Variants in OPCML observed in about 807,000 individuals in gnomAD.
OPCML encodes the protein opioid binding protein/cell adhesion molecule like, also known as opioid-binding protein/cell adhesion molecule.
In OPCML, 13 loss-of-function variants were observed where a neutral mutation model predicts 37.8. The ratio of observed to expected loss-of-function variants is 0.34; its 90% confidence interval spans 0.22 to 0.55. OPCML has a LOEUF of 0.55. Among genes scored for constraint, OPCML ranks in the 20% least tolerant of loss-of-function variants. The pLI is 0.91. For synonymous variants in OPCML, 176 were observed against 168.8 expected, an observed-to-expected ratio of 1.04 and a Z score of -0.33; for missense variants, 341 against 435.6, an observed-to-expected ratio of 0.78 and a Z score of 1.93.
intron 1 of OPCML, among the ~76,000 whole-genome samples, chr11:132,951,534 C>G (rs573381462): frequency 6.6e-6 from 1 of 152,282 alleles, no homozygotes; most frequent in East Asian, 1.9e-4. Flanking sequence ...TTTCAACATA[C>G]GAATTTTGGG....
At chr11:133,054,921 A>T (rs111452428) in intron 1 of OPCML, among the ~76,000 whole-genome samples, 3 of 113,272 alleles carry the variant, frequency 2.6e-5, no homozygotes, top group South Asian at 3.0e-4. Flanking sequence ...CGCCTCTACC[A>T]TATAATGCTG....
intron 4 of OPCML, among the ~76,000 whole-genome samples, chr11:132,457,263 G>T (rs1314587861): frequency 1.3e-5 from 2 of 152,168 alleles, no homozygotes; most frequent in Non-Finnish European, 2.9e-5. Flanking sequence ...TGCATGAGTG[G>T]CCTTGAACAC....
intron 2 of OPCML, among the ~76,000 whole-genome samples, chr11:132,843,564 G>A (rs1160791562): frequency 6.6e-6 from 1 of 151,450 alleles, no homozygotes; most frequent in Non-Finnish European, 1.5e-5. Flanking sequence ...GTATGTGAGT[G>A]CATGTAAAAC....
At chr11:133,140,419 GC>G (rs1388617880) in intron 1 of OPCML, among the ~76,000 whole-genome samples, 1 of 148,092 alleles carries the variant, frequency 6.8e-6, no homozygotes. Context: ...GGAGGCTGAG[GC>G]AGAAGAATCG....
At chr11:133,414,392 G>C (rs991935426) in intron 1 of OPCML, among the ~76,000 whole-genome samples, 4 of 152,260 alleles carry the variant, frequency 2.6e-5, no homozygotes, top group African/African-American at 9.6e-5. Flanking sequence ...GCAGAAGTGT[G>C]TTAGGGGATT....
At chr11:132,918,254 T>G (rs1944672020) in intron 2 of OPCML, among the ~76,000 whole-genome samples, 1 of 152,202 alleles carries the variant, frequency 6.6e-6, no homozygotes, top group Non-Finnish European at 1.5e-5. Context: ...GAAGTGCATA[T>G]AAAGGGCACT....
chr11:133,314,882 G>A (rs1322706026), intron 1 of OPCML, among the ~76,000 whole-genome samples: 3 of 152,180 alleles, frequency 2.0e-5, no homozygotes, highest in South Asian at 2.1e-4. Context: ...GTTTGTTGTC[G>A]TGCTGTAATC....
intron 1 of OPCML, among the ~76,000 whole-genome samples, chr11:133,394,322 T>C (rs777467803): frequency 1.3e-5 from 2 of 152,220 alleles, no homozygotes; most frequent in African/African-American, 2.4e-5. Context: ...TTACATGAGA[T>C]ATTTTGGTAC....
At chr11:132,782,339 T>C (rs1478351108) in intron 2 of OPCML, among the ~76,000 whole-genome samples, 2 of 152,104 alleles carry the variant, frequency 1.3e-5, no homozygotes, top group Non-Finnish European at 2.9e-5. Flanking sequence ...GGCATGGCAC[T>C]GCACACCCAC....
At chr11:133,384,137 C>T (rs1944988592) in intron 1 of OPCML, among the ~76,000 whole-genome samples, 2 of 150,672 alleles carry the variant, frequency 1.3e-5, no homozygotes, top group African/African-American at 4.9e-5. Flanking sequence ...CCCACTCCAG[C>T]TATATGACTG....
intron 1 of OPCML, among the ~76,000 whole-genome samples, chr11:133,228,481 C>G (rs529250249): frequency 1.3e-5 from 2 of 152,374 alleles, no homozygotes; most frequent in East Asian, 1.9e-4. Flanking sequence ...AGAGAGTTTT[C>G]AAACTCATCC....
intron 3 of OPCML, among the ~76,000 whole-genome samples, chr11:132,546,672 G>A (rs2096369413): frequency 6.6e-6 from 1 of 152,158 alleles, no homozygotes; most frequent in Non-Finnish European, 1.5e-5. Flanking sequence ...GTGTGACCTT[G>A]GAGAGTTTCT....
chr11:133,288,366 CTACCTCAG>C (rs1942363337), intron 1 of OPCML, among the ~76,000 whole-genome samples: 1 of 152,214 alleles, frequency 6.6e-6, no homozygotes, highest in East Asian at 1.9e-4. Flanking sequence ...GTCAAGTTGC[CTACCTCAG>C]CATCTAAGCA....
chr11:133,259,667 A>T (rs1941427761), intron 1 of OPCML, among the ~76,000 whole-genome samples: 1 of 152,242 alleles, frequency 6.6e-6, no homozygotes, highest in Admixed American at 6.5e-5. Flanking sequence ...GTAAAAACGA[A>T]ATTATACTTT....
intron 3 of OPCML, among the ~76,000 whole-genome samples, chr11:132,588,175 G>C (rs986719049): frequency 2.0e-5 from 3 of 152,096 alleles, no homozygotes; most frequent in African/African-American, 4.8e-5. Context: ...TCACATCATG[G>C]GGGCATCAGG....
intron 3 of OPCML, among the ~76,000 whole-genome samples, chr11:132,644,732 T>C (rs920350658): frequency 2.6e-5 from 4 of 152,186 alleles, no homozygotes; most frequent in Non-Finnish European, 5.9e-5. Flanking sequence ...CCGACCCTTA[T>C]AAACTGTTAA....
intron 1 of OPCML, among the ~76,000 whole-genome samples, chr11:133,376,547 TA>T (rs1456603503): frequency 1.3e-5 from 2 of 152,226 alleles, no homozygotes; most frequent in African/African-American, 4.8e-5. Context: ...ATGTGTATTA[TA>T]CATATACATT....
chr11:133,112,165 T>C (rs1017238341), intron 1 of OPCML, among the ~76,000 whole-genome samples: 7 of 151,920 alleles, frequency 4.6e-5, no homozygotes, highest in Non-Finnish European at 7.4e-5. Context: ...TTATTCCCTA[T>C]ATTAATCTTG....
chr11:132,492,346 G>A (rs890986146), intron 4 of OPCML, among the ~76,000 whole-genome samples: 1 of 152,096 alleles, frequency 6.6e-6, no homozygotes, highest in Non-Finnish European at 1.5e-5. Flanking sequence ...CACTGATGTG[G>A]TGGGGGTAGA....
Sources: allele counts gnomAD v4.1 joint callset (sites outside exome capture counted in the v4.1 genomes callset), GRCh38; gene constraint gnomAD v4.1.1; transcripts MANE v1.5; gene names NCBI Gene and HGNC (gene_info 2026-07-23, HGNC 2026-07-21).